Variants in AOPEP observed in about 807,000 individuals in gnomAD.
AOPEP encodes the protein aminopeptidase O (putative).
Under a neutral mutation model 98.1 loss-of-function variants are expected in AOPEP, and 77 were observed. The ratio of observed to expected loss-of-function variants is 0.78; its 90% CI spans 0.65 to 0.95. The LOEUF (loss-of-function observed/expected upper bound fraction) is 0.95, where lower values mean the gene tolerates loss of function less well. AOPEP is among the 40% of genes least tolerant of loss of function. AOPEP has a pLI of 0.00. For missense variants in AOPEP, 1,024 were observed against 1,024.7 expected (o/e 1.00, Z 0.01); for synonymous variants, 346 against 365.3 (o/e 0.95, Z 0.60).
intron 5 of AOPEP, among the ~76,000 whole-genome samples, chr9:94,882,538 G>A (rs943133592): frequency 1.3e-5 from 2 of 152,222 alleles, no homozygotes; most frequent in African/African-American, 4.8e-5. Flanking sequence ...CACTTTGGGA[G>A]GCCAAGGCAG....
At chr9:94,825,545 T>G (rs562337475) in intron 5 of AOPEP, among the ~76,000 whole-genome samples, 2 of 152,358 alleles carry the variant, frequency 1.3e-5, no homozygotes, top group East Asian at 3.9e-4. Flanking sequence ...AACATTCCCT[T>G]CCAGGGGAGC....
chr9:95,075,985 G>A (rs907202773), intron 14 of AOPEP, among the ~76,000 whole-genome samples: 2 of 152,230 alleles, frequency 1.3e-5, no homozygotes, highest in Non-Finnish European at 2.9e-5. Flanking sequence ...CCCCTCCCAG[G>A]GCTCTAGCTC....
intron 11 of AOPEP, among the ~76,000 whole-genome samples, chr9:94,985,368 T>G (rs1589166680): frequency 6.6e-6 from 1 of 152,346 alleles, no homozygotes; most frequent in South Asian, 2.1e-4. Flanking sequence ...GGGAAAATGC[T>G]GCAATCACAG....
chr9:94,766,560 G>A (rs2132650076), intron 2 of AOPEP, among the ~76,000 whole-genome samples: 1 of 152,194 alleles, frequency 6.6e-6, no homozygotes. Context: ...ACAAACTGAA[G>A]CATTCTCTTT....
At chr9:94,742,582 G>A (rs918223904) in intron 1 of AOPEP, among the ~76,000 whole-genome samples, 2 of 151,834 alleles carry the variant, frequency 1.3e-5, no homozygotes, top group Non-Finnish European at 2.9e-5. Context: ...CTACAGGCAC[G>A]CGCCACCACG....
chr9:94,794,196 G>A (rs1214565463), intron 4 of AOPEP, among the ~76,000 whole-genome samples: 2 of 152,220 alleles, frequency 1.3e-5, no homozygotes, highest in African/African-American at 4.8e-5. Context: ...AGCCTGTCTA[G>A]ATGTTCAATG....
the AOPEP span, among the ~76,000 whole-genome samples, chr9:95,147,211 A>C: frequency 6.6e-6 from 1 of 152,182 alleles, no homozygotes; most frequent in East Asian, 1.9e-4. Flanking sequence ...CATCCTACAG[A>C]TGTTTCATCA....
intron 5 of AOPEP, among the ~76,000 whole-genome samples, chr9:94,894,010 C>T (rs537870054): frequency 1.3e-5 from 2 of 152,152 alleles, no homozygotes; most frequent in Non-Finnish European, 2.9e-5. Flanking sequence ...ATTTATCCCT[C>T]TTCTACTAAA....
At chr9:95,005,391 G>A in intron 12 of AOPEP, 151 bp from the exon 13 acceptor site, 1 of 880,024 alleles carries the variant, frequency 1.1e-6, no homozygotes, top group Non-Finnish European at 1.7e-6. Flanking sequence ...GCGGTGAGGC[G>A]CCCGGCGAGT....
chr9:95,093,482 G>A, the AOPEP span, among the ~76,000 whole-genome samples: 27 of 152,282 alleles, frequency 1.8e-4, no homozygotes, highest in Admixed American at 4.6e-4. Flanking sequence ...TCAGGGCAGC[G>A]TTTAACGGCA....
chr9:94,834,812 G>GCATACATA (rs960389893), intron 5 of AOPEP, among the ~76,000 whole-genome samples: 11 of 22,162 alleles, frequency 5.0e-4, no homozygotes, highest in Non-Finnish European at 1.9e-3. Flanking sequence ...ATGCATGCAT[G>GCATACATA]CATACATACA....
chr9:94,769,757 C>T (rs529846446), intron 2 of AOPEP, among the ~76,000 whole-genome samples: 34 of 152,266 alleles, frequency 2.2e-4, no homozygotes, highest in African/African-American at 7.7e-4. Flanking sequence ...TGAGAGCTTG[C>T]TGGGGGCCTG....
At chr9:94,768,358 A>C (rs1018006629) in intron 2 of AOPEP, among the ~76,000 whole-genome samples, 7 of 152,176 alleles carry the variant, frequency 4.6e-5, no homozygotes, top group African/African-American at 1.4e-4. Context: ...ACAAAAAAAA[A>C]CCCCTTTTTC....
chr9:94,746,937 TTTG>T (rs1342174923), intron 1 of AOPEP, among the ~76,000 whole-genome samples: 28 of 152,226 alleles, frequency 1.8e-4, no homozygotes, highest in African/African-American at 6.8e-4. Flanking sequence ...ATTTGCTTTT[TTTG>T]TTCAGGAAAA....
intron 5 of AOPEP, among the ~76,000 whole-genome samples, chr9:94,896,732 T>C (rs1479003269): frequency 6.6e-6 from 1 of 152,210 alleles, no homozygotes; most frequent in Non-Finnish European, 1.5e-5. Context: ...AATCTAGGAA[T>C]GTCTGAGAAA....
the AOPEP span, among the ~76,000 whole-genome samples, chr9:95,117,847 A>G: frequency 1.4e-5 from 2 of 146,370 alleles, no homozygotes; most frequent in Non-Finnish European, 3.0e-5. Context: ...CCTGTCTCCC[A>G]AGTATCTGGG....
intron 5 of AOPEP, among the ~76,000 whole-genome samples, chr9:94,870,911 G>A (rs1312663939): frequency 5.9e-5 from 9 of 152,148 alleles, no homozygotes; most frequent in Admixed American, 5.9e-4. Flanking sequence ...AAGGGTGTTC[G>A]GGCTGCTGCC....
At chr9:94,765,621 G>C (rs1839426711) in intron 2 of AOPEP, among the ~76,000 whole-genome samples, 1 of 151,614 alleles carries the variant, frequency 6.6e-6, no homozygotes, top group South Asian at 2.1e-4. Context: ...TTATTAAAAA[G>C]ATAACTTCAA....
intron 13 of AOPEP, among the ~76,000 whole-genome samples, chr9:95,023,706 G>T (rs373881776): frequency 1.3e-5 from 2 of 152,164 alleles, no homozygotes; most frequent in East Asian, 1.9e-4. Flanking sequence ...CCGCCTCCCA[G>T]CAACTACAGA....
Sources: allele counts gnomAD v4.1 joint callset (sites outside exome capture counted in the v4.1 genomes callset), GRCh38; gene constraint gnomAD v4.1.1; transcripts MANE v1.5; gene names NCBI Gene and HGNC (gene_info 2026-07-23, HGNC 2026-07-21).